Variants in MITF observed in about 807,000 individuals in gnomAD.
MITF encodes the protein microphthalmia-associated transcription factor.
Under a neutral mutation model 60.5 loss-of-function variants are expected in MITF, and 17 were observed. The observed-to-expected ratio is 0.28, with a 90% confidence interval of 0.19 to 0.42. MITF has a LOEUF of 0.42. Among genes scored for constraint, MITF ranks in the 10% least tolerant of loss-of-function variants. The pLI is 1.00. For missense variants in MITF, 622 were observed against 683.5 expected (o/e 0.91, Z 1.00); for synonymous variants, 260 against 248.5 (o/e 1.05, Z -0.43).
chr3:69,759,136 A>T (rs548071655), intron 1 of MITF, among the ~76,000 whole-genome samples: 1 of 152,388 alleles, frequency 6.6e-6, no homozygotes, highest in East Asian at 1.9e-4. Flanking sequence ...TAAGTTCCTT[A>T]GAGCCTCTGG....
intron 1 of MITF, among the ~76,000 whole-genome samples, chr3:69,759,766 C>T (rs945452397): frequency 3.3e-5 from 5 of 152,138 alleles, no homozygotes; most frequent in Non-Finnish European, 7.4e-5. Context: ...TAAAGCTTTT[C>T]CAGGTACCTG....
intron 1 of MITF, among the ~76,000 whole-genome samples, chr3:69,828,469 A>G (rs2063391801): frequency 6.6e-6 from 1 of 152,194 alleles, no homozygotes; most frequent in South Asian, 2.1e-4. Flanking sequence ...CCTAGAATAA[A>G]GGAAACCACT....
chr3:69,833,307 C>T (rs1399457574), intron 1 of MITF, among the ~76,000 whole-genome samples: 5 of 148,490 alleles, frequency 3.4e-5, no homozygotes, highest in Non-Finnish European at 4.5e-5. Flanking sequence ...TGGTTGTTTC[C>T]CTGTTTACAC....
At chr3:69,931,864 C>T (rs1022779640) in intron 2 of MITF, among the ~76,000 whole-genome samples, 1 of 152,170 alleles carries the variant, frequency 6.6e-6, no homozygotes, top group Non-Finnish European at 1.5e-5. Context: ...TTCGCCTCTG[C>T]GGACAGAATA....
intron 1 of MITF, among the ~76,000 whole-genome samples, chr3:69,827,227 C>G (rs1486836121): frequency 6.6e-6 from 1 of 152,146 alleles, no homozygotes; most frequent in Non-Finnish European, 1.5e-5. Flanking sequence ...GCTTTACCCT[C>G]AAGTCTTCAA....
At chr3:69,862,232 A>G (rs2064029914) in intron 1 of MITF, among the ~76,000 whole-genome samples, 1 of 152,090 alleles carries the variant, frequency 6.6e-6, no homozygotes, top group South Asian at 2.1e-4. Context: ...AATCTCCTGT[A>G]TTTATTTTAA....
chr3:69,743,831 G>C (rs942418775), intron 1 of MITF, among the ~76,000 whole-genome samples: 1 of 152,140 alleles, frequency 6.6e-6, no homozygotes, highest in Non-Finnish European at 1.5e-5. Flanking sequence ...GTCTCTACAG[G>C]TCTTTTGTAC....
intron 1 of MITF, among the ~76,000 whole-genome samples, chr3:69,867,651 T>A (rs926841100): frequency 2.6e-5 from 4 of 152,128 alleles, no homozygotes; most frequent in Admixed American, 2.0e-4. Flanking sequence ...GCTGGGGAGA[T>A]GATGTCTACT....
At chr3:69,918,873 T>A (rs1040560766) in intron 2 of MITF, among the ~76,000 whole-genome samples, 1 of 152,240 alleles carries the variant, frequency 6.6e-6, no homozygotes, top group Non-Finnish European at 1.5e-5. Context: ...AATAACTATT[T>A]TGAATATGGA....
chr3:69,870,930 T>C (rs1386795832), intron 1 of MITF, among the ~76,000 whole-genome samples: 2 of 152,294 alleles, frequency 1.3e-5, no homozygotes, highest in Middle Eastern at 3.4e-3. Context: ...CCAGTATTAC[T>C]GATATTTTTT....
chr3:69,774,770 A>G (rs1417837263), intron 1 of MITF, among the ~76,000 whole-genome samples: 1 of 151,974 alleles, frequency 6.6e-6, no homozygotes, highest in East Asian at 1.9e-4. Context: ...TGCCATGGTT[A>G]CCAGCACCGT....
rs1041328046 is a variant in MITF at position 69,938,871 on chromosome 3, G to C, written c.583-227G>C. The C allele has an allele frequency of 1.0e-5, 15 of 1,434,946 alleles. No individual in the cohort carries two copies. In the African/African-American group the frequency reaches 2.0e-4, roughly 19 times the overall value. The allele number at this position is 1,434,946 out of a possible 1,614,324, so 88.9% of individuals were successfully genotyped here. A position where few individuals can be genotyped will look rare whatever the true frequency, so the allele number is the denominator to read the frequency against. On this transcript the variant is annotated intron_variant, in intron 3 of 9. Transcript: ENST00000352241. The stretch of plus-strand genomic sequence containing the variant: ...AATTTCTAGAGGGACTAAAATCTTT[G>C]CCCCTATGCCCAAACCAACTGCTTT...
intron 9 of MITF, among the ~76,000 whole-genome samples, chr3:69,961,870 T>A (rs1430887361): frequency 6.6e-6 from 1 of 152,250 alleles, no homozygotes; most frequent in Non-Finnish European, 1.5e-5. Flanking sequence ...ATACGAATAT[T>A]GTGAAATATG....
chr3:69,865,291 A>AGAGGT (rs2064091260), intron 1 of MITF, among the ~76,000 whole-genome samples: 1 of 152,212 alleles, frequency 6.6e-6, no homozygotes, highest in East Asian at 1.9e-4. Context: ...GTAGGCACAG[A>AGAGGT]GAGGTGAAGT....
intron 1 of MITF, among the ~76,000 whole-genome samples, chr3:69,825,069 G>C (rs901722956): frequency 6.6e-6 from 1 of 152,108 alleles, no homozygotes; most frequent in African/African-American, 2.4e-5. Flanking sequence ...GTTATAGTTA[G>C]TAATTTCTTC....
At chr3:69,829,965 C>T (rs1340978944) in intron 1 of MITF, among the ~76,000 whole-genome samples, 1 of 152,094 alleles carries the variant, frequency 6.6e-6, no homozygotes, top group Non-Finnish European at 1.5e-5. Flanking sequence ...ATCACTGTTT[C>T]CTCTAGGGAT....
At chr3:69,854,371 G>C (rs990227217) in intron 1 of MITF, among the ~76,000 whole-genome samples, 1 of 152,164 alleles carries the variant, frequency 6.6e-6, no homozygotes, top group African/African-American at 2.4e-5. Context: ...TCAAGTGTCT[G>C]ATTTAAAATG....
intron 1 of MITF, among the ~76,000 whole-genome samples, chr3:69,851,688 A>C (rs918820607): frequency 1.3e-5 from 2 of 152,138 alleles, no homozygotes; most frequent in Admixed American, 1.3e-4. Flanking sequence ...GTAGCACAAG[A>C]GAGTATTTTG....
At chr3:69,891,103 C>T (rs2064750302) in intron 2 of MITF, among the ~76,000 whole-genome samples, 2 of 152,164 alleles carry the variant, frequency 1.3e-5, no homozygotes, top group South Asian at 4.1e-4. Flanking sequence ...AATAAACTTT[C>T]AGGCCATTGC....
Sources: allele counts gnomAD v4.1 joint callset (sites outside exome capture counted in the v4.1 genomes callset), GRCh38; gene constraint gnomAD v4.1.1; transcripts MANE v1.5; gene names NCBI Gene and HGNC (gene_info 2026-07-23, HGNC 2026-07-21).